Variants in CSMD1 observed in about 807,000 individuals in gnomAD.
CSMD1 encodes CUB and Sushi multiple domains 1.
Under a neutral mutation model 417.5 loss-of-function variants are expected in CSMD1, and 213 were observed. The ratio of observed to expected loss-of-function variants is 0.51; its 90% CI spans 0.46 to 0.57. CSMD1 has a LOEUF of 0.57. Among genes scored for constraint, CSMD1 ranks in the 20% least tolerant of loss-of-function variants. The probability of loss-of-function intolerance (pLI) is 0.00; values close to 1 mark genes in which losing one functional copy is unlikely to be tolerated. For missense variants in CSMD1, 6,923 were observed against 4,529.7 expected (o/e 1.53, Z -15.17); for synonymous variants, 2,862 against 1,736.8 (o/e 1.65, Z -16.11).
At chr8:3,845,667 A>G (rs1211032097) in intron 5 of CSMD1, among the ~76,000 whole-genome samples, 5 of 152,174 alleles carry the variant, frequency 3.3e-5, no homozygotes, top group African/African-American at 1.2e-4. Context: ...TGTCTTCAAT[A>G]ATAAGTTAAC....
intron 5 of CSMD1, among the ~76,000 whole-genome samples, chr8:3,970,914 G>A (rs997286850): frequency 7.2e-5 from 11 of 152,018 alleles, no homozygotes; most frequent in East Asian, 5.8e-4. Context: ...ACCATGCTCC[G>A]CTAATTTTGT....
chr8:3,412,264 C>T (rs920750157), intron 12 of CSMD1, among the ~76,000 whole-genome samples: 1 of 151,582 alleles, frequency 6.6e-6, no homozygotes, highest in Admixed American at 6.6e-5. Context: ...GTTGGTTCCA[C>T]ATTTTTGCAA....
chr8:4,389,521 T>A (rs1803703089), intron 3 of CSMD1, among the ~76,000 whole-genome samples: 1 of 152,080 alleles, frequency 6.6e-6, no homozygotes, highest in African/African-American at 2.4e-5. Flanking sequence ...AATATATCAG[T>A]CATATACTCA....
intron 49 of CSMD1, among the ~76,000 whole-genome samples, chr8:3,066,686 G>C (rs1272651250): frequency 6.6e-6 from 1 of 152,166 alleles, no homozygotes; most frequent in South Asian, 2.1e-4. Context: ...TGGCTCTGTA[G>C]ATTCCAAACA....
At chr8:4,246,177 A>G (rs1802698759) in intron 3 of CSMD1, among the ~76,000 whole-genome samples, 1 of 152,096 alleles carries the variant, frequency 6.6e-6, no homozygotes, top group South Asian at 2.1e-4. Flanking sequence ...TTCTTCCAAT[A>G]TTCCATCCTC....
Position 3,617,108 on chromosome 8 carries a change from A to C in CSMD1, c.1010-311T>G, listed in dbSNP as rs1000127516. 2.0e-5 allele frequency among the ~76,000 whole-genome samples: 3 copies of C among 152,198 alleles called. No homozygotes were observed. In the East Asian group the frequency reaches 5.8e-4, roughly 29 times the overall value. On this transcript the variant is annotated intron_variant, in intron 7 of 69. Coordinates refer to ENST00000635120, the MANE Select transcript of CSMD1 (RefSeq NM_033225.6). ...TTTATGCCAGGTCACAATTAACAGC[A>C]TGATCAGAAAAACAGCATTATGAGA...
chr8:4,105,962 G>C (rs991490070), intron 3 of CSMD1, among the ~76,000 whole-genome samples: 1 of 152,188 alleles, frequency 6.6e-6, no homozygotes, highest in African/African-American at 2.4e-5. Context: ...TTAGCCACAA[G>C]TCCCAACTTC....
At chr8:3,512,652 G>C (rs1797125708) in intron 10 of CSMD1, among the ~76,000 whole-genome samples, 1 of 148,630 alleles carries the variant, frequency 6.7e-6, no homozygotes, top group South Asian at 2.1e-4. Flanking sequence ...CCAGGCTGGA[G>C]TGCACTGGCA....
intron 3 of CSMD1, among the ~76,000 whole-genome samples, chr8:4,199,195 T>A (rs892927677): frequency 1.3e-5 from 2 of 149,134 alleles, no homozygotes; most frequent in Non-Finnish European, 3.0e-5. Flanking sequence ...TCAGAAACAT[T>A]AAAAAATACA....
chr8:3,229,999 C>T, intron 27 of CSMD1, 41 bp downstream of exon 27: 2 of 1,369,502 alleles, frequency 1.5e-6, no homozygotes, highest in Non-Finnish European at 2.0e-6. Flanking sequence ...AACATGCATC[C>T]ATTCCTGAAT....
rs567568395 is a variant in CSMD1, at chr8:3,624,685, A to G, written c.1010-7888T>C. 2.0e-5 allele frequency among the ~76,000 whole-genome samples: 3 copies of G among 152,268 alleles called. No homozygotes were observed. The East Asian group carries it at 5.8e-4, about 29-fold the overall frequency. ...TAGTAGCAGTCTCCCCAGTGTATTG[A>G]TGAGCTTTGTTTGAGTGACAGCCCA... On this transcript the variant is annotated intron_variant, in intron 7 of 69. Coordinates refer to ENST00000635120, the MANE Select transcript of CSMD1 (RefSeq NM_033225.6).
At chr8:3,508,892 G>A (rs1332610971) in intron 10 of CSMD1, among the ~76,000 whole-genome samples, 2 of 152,126 alleles carry the variant, frequency 1.3e-5, no homozygotes, top group African/African-American at 4.8e-5. Context: ...CATGAGACAG[G>A]AATGATCCAT....
At chr8:3,790,916 T>A (rs1193397103) in intron 5 of CSMD1, among the ~76,000 whole-genome samples, 2 of 152,096 alleles carry the variant, frequency 1.3e-5, no homozygotes, top group Non-Finnish European at 2.9e-5. Flanking sequence ...AACTGTCAGG[T>A]CCTAAGAGCA....
intron 3 of CSMD1, among the ~76,000 whole-genome samples, chr8:4,332,552 TACACACACACACACACACAC>T (rs368534632): frequency 0.049 from 6,353 of 128,700 alleles, 189 homozygotes; most frequent in Middle Eastern, 0.079. Context: ...TGATATCACA[TACACACACACACACACACAC>T]ACACACACAC....
intron 12 of CSMD1, among the ~76,000 whole-genome samples, chr8:3,439,992 T>C (rs1266102889): frequency 2.0e-5 from 3 of 152,210 alleles, no homozygotes; most frequent in East Asian, 3.9e-4. Flanking sequence ...CTGGGCTTTC[T>C]ATTCCATTCC....
chr8:4,966,284 C>G (rs934259664), intron 1 of CSMD1, among the ~76,000 whole-genome samples: 2 of 151,420 alleles, frequency 1.3e-5, no homozygotes, highest in Non-Finnish European at 2.9e-5. Context: ...GAGGCTGAGG[C>G]AGGAGGATCA....
At position 3,284,192 on chromosome 8, in the gene CSMD1, C is replaced by T. The variant is rs187060516; in HGVS notation, c.4105G>A (p.Asp1369Asn). 5.0e-6 allele frequency: 8 copies of T among 1,601,190 alleles called. No individual in the cohort carries two copies. Among genetic ancestry groups the T allele is most frequent in the East Asian group, 4.5e-5 (2 of 44,248 alleles). ...STFNSLTLQFDSDFFISKSGF... is the reference protein window; with the variant it reads ...STFNSLTLQFNSDFFISKSGF... ...GACTTGCTGATGAAGAAGTCGCTGTCGAACTGCAGGGTGAGTGAGTTGAAG... is the reference window on the plus strand; with the variant it reads ...GACTTGCTGATGAAGAAGTCGCTGTTGAACTGCAGGGTGAGTGAGTTGAAG... The change falls in exon 26 of 70, where the codon GAC becomes AAC. Residue 1369 changes from aspartate to asparagine, a missense_variant. Physicochemically the swap from Asp to Asn is conservative, Grantham distance 23 (BLOSUM62 1). Coordinates refer to ENST00000635120, the MANE Select transcript of CSMD1 (RefSeq NM_033225.6).
intron 1 of CSMD1, among the ~76,000 whole-genome samples, chr8:4,861,655 G>A (rs1057443003): frequency 6.6e-6 from 1 of 152,104 alleles, no homozygotes; most frequent in African/African-American, 2.4e-5. Context: ...TTAAAACTTT[G>A]TGGTATTTTC....
At chr8:3,754,099 T>G in intron 5 of CSMD1, 57 bp from the exon 6 acceptor site, 1 of 1,121,814 alleles carries the variant, frequency 8.9e-7, no homozygotes, top group South Asian at 1.3e-5. Context: ...GCAAATGTCC[T>G]ATATCAAACC....
Sources: allele counts gnomAD v4.1 joint callset (sites outside exome capture counted in the v4.1 genomes callset), GRCh38; gene constraint gnomAD v4.1.1; transcripts MANE v1.5; gene names NCBI Gene and HGNC (gene_info 2026-07-23, HGNC 2026-07-21).